Variants in TFCP2L1 observed in about 807,000 individuals in gnomAD.
The protein encoded by TFCP2L1 is transcription factor CP2-like protein 1.
TFCP2L1 carries 12 observed loss-of-function variants against 72.2 expected under a neutral mutation model. The ratio of observed to expected loss-of-function variants is 0.17; its 90% CI spans 0.11 to 0.27. TFCP2L1 has a LOEUF of 0.27. Among genes scored for constraint, TFCP2L1 ranks in the 10% least tolerant of loss-of-function variants. TFCP2L1 has a pLI of 1.00. For missense variants in TFCP2L1, 488 were observed against 624.6 expected (o/e 0.78, Z 2.33); for synonymous variants, 260 against 251.0 (o/e 1.04, Z -0.34).
At position 121,271,169 on chromosome 2, in the gene TFCP2L1, G is replaced by A. The variant is rs1219009777; in HGVS notation, c.214+9951C>T. On this transcript the variant is annotated intron_variant, in intron 2 of 14. Transcript: ENST00000263707. ...CGCACCACTGCACTCCAGCCTGGGC[G>A]ACAGGGCAAGACTCCGTCTCAAAAT... Among the ~76,000 whole-genome samples, 4 of 148,746 alleles carry A rather than the reference G, an allele frequency of 2.7e-5. 1 individual carries two copies. The highest frequency in any genetic ancestry group is 4.2e-4 in the South Asian group (2 of 4,736).
chr2:121,239,948 G>T, intron 7 of TFCP2L1: 2 of 718,466 alleles, frequency 2.8e-6, no homozygotes, highest in African/African-American at 1.9e-5. Flanking sequence ...TGTGATTCTT[G>T]GGTCCACGAG....
chr2:121,246,714 T>C (rs1216909139), intron 6 of TFCP2L1, 104 bp downstream of exon 6: 4 of 1,461,096 alleles, frequency 2.7e-6, no homozygotes, highest in Non-Finnish European at 3.8e-6. Flanking sequence ...GATGCTGCGT[T>C]CCTCGCTGGG....
chr2:121,226,870 T>G (rs1480238470), intron 13 of TFCP2L1, among the ~76,000 whole-genome samples: 1 of 152,244 alleles, frequency 6.6e-6, no homozygotes, highest in African/African-American at 2.4e-5. Context: ...AAGGAAATTT[T>G]CCTACATTCT....
At chr2:121,233,971 T>C (rs1331147507) in intron 12 of TFCP2L1, 120 bp downstream of exon 12, 10 of 866,132 alleles carry the variant, frequency 1.2e-5, no homozygotes, top group Admixed American at 4.0e-5. Flanking sequence ...CGTGTGGGCA[T>C]GTGGGAGCCC....
chr2:121,231,678 G>T, intron 13 of TFCP2L1, 148 bp downstream of exon 13: 1 of 1,218,272 alleles, frequency 8.2e-7, no homozygotes, highest in East Asian at 2.6e-5. Context: ...ACTCTCCATC[G>T]CAGCCCCGGA....
At chr2:121,268,390 G>C (rs1433836228) in intron 2 of TFCP2L1, among the ~76,000 whole-genome samples, 2 of 151,940 alleles carry the variant, frequency 1.3e-5, no homozygotes, top group African/African-American at 2.4e-5. Flanking sequence ...GGGTCTCACT[G>C]TTACCCAGGC....
Position 121,242,482 on chromosome 2 carries a change from TAC to T in TFCP2L1, c.658-15_658-14del, listed in dbSNP as rs1573369499. ...CGGCTCCCTTCGGCTGCGAGCAGAGTACAGAGTCCAATCAGCCCAAAACCAAC... is the reference window on the plus strand; with the variant it reads ...CGGCTCCCTTCGGCTGCGAGCAGAGTAGAGTCCAATCAGCCCAAAACCAAC... On this transcript the variant is annotated splice_polypyrimidine_tract_variant and intron_variant, in intron 6 of 14. Transcript: ENST00000263707. 1 of 1,613,166 alleles carries T rather than the reference TAC, an allele frequency of 6.2e-7. No individual in the cohort carries two copies.
intron 1 of TFCP2L1, among the ~76,000 whole-genome samples, chr2:121,282,114 G>A (rs1187644530): frequency 2.6e-5 from 4 of 151,782 alleles, no homozygotes; most frequent in Non-Finnish European, 4.4e-5. Context: ...TGTATTTTTA[G>A]TAGAGACAGG....
intron 6 of TFCP2L1, among the ~76,000 whole-genome samples, chr2:121,243,189 C>T (rs1015436470): frequency 6.6e-6 from 1 of 152,212 alleles, no homozygotes; most frequent in African/African-American, 2.4e-5. Context: ...CATCTTATGA[C>T]CTCATGCCTA....
intron 2 of TFCP2L1, among the ~76,000 whole-genome samples, chr2:121,257,846 G>A (rs920312727): frequency 2.7e-5 from 4 of 150,120 alleles, no homozygotes; most frequent in African/African-American, 7.6e-5. Context: ...AACTGCTTTC[G>A]GCGCTTTGCA....
intron 10 of TFCP2L1, 47 bp from the exon 11 acceptor site, chr2:121,235,358 A>G: frequency 1.3e-6 from 2 of 1,590,530 alleles, no homozygotes; most frequent in Non-Finnish European, 1.7e-6. Context: ...AACCCAGAGA[A>G]AGGGCTCGGT....
At position 121,235,684 on chromosome 2, in the gene TFCP2L1, T is replaced by C. The variant is rs1199202939; in HGVS notation, c.1004-373A>G. Among the ~76,000 whole-genome samples, 8 of 150,876 alleles carry C rather than the reference T, an allele frequency of 5.3e-5. No homozygotes were observed. In the South Asian group the frequency reaches 6.3e-4, roughly 12 times the overall value. On this transcript the variant is annotated intron_variant, in intron 10 of 14. Transcript: ENST00000263707. ...ATCCACCTACCTCAGCCTCTCAAAG[T>C]ACTGGGATTACAGACATGAGTCACT...
intron 1 of TFCP2L1, among the ~76,000 whole-genome samples, chr2:121,282,518 TA>T (rs796221589): frequency 4.8e-3 from 563 of 116,926 alleles, no homozygotes; most frequent in Middle Eastern, 8.3e-3. Context: ...CCACCATCTC[TA>T]AAAAAAAAAA....
chr2:121,275,591 G>A lies in TFCP2L1; in HGVS notation c.214+5529C>T, dbSNP rs1389713246. 1.0e-3 allele frequency among the ~76,000 whole-genome samples: 123 copies of A among 119,830 alleles called. 4 individuals carry two copies. The South Asian group carries it at 0.031, about 30-fold the overall frequency. The allele number at this position is 119,830 out of a possible 152,430, so 78.6% of individuals were successfully genotyped here. A position where few individuals can be genotyped will look rare whatever the true frequency, so the allele number is the denominator to read the frequency against. On this transcript the variant is annotated intron_variant, in intron 2 of 14. Coordinates refer to ENST00000263707, the MANE Select transcript of TFCP2L1 (RefSeq NM_014553.3). The stretch of plus-strand genomic sequence containing the variant: ...GTCTTTTTTTTTTTTTTTTTTTTGA[G>A]ACAGGGTCTCGTTCTATCACCCAAG...
At chr2:121,275,265 TCGCGGCGCC>T (rs2104759818) in intron 2 of TFCP2L1, among the ~76,000 whole-genome samples, 1 of 7,418 alleles carries the variant, frequency 1.3e-4, no homozygotes. Context: ...GCGCCTGTAG[TCGCGGCGCC>T]TGTAGTCCCA....
At position 121,231,961 on chromosome 2, in the gene TFCP2L1, G is replaced by A. The variant is rs145068402; in HGVS notation, c.1206C>T (p.His402=). ...TGGTCAGCTCTTCCAGGAAGATGGC[G>A]TGGTACACTGGGGGAAGGAGGAGCA... ...GSGDSNLSVY[H]AIFLEELTTL... Residue 402 remains histidine (H), a synonymous_variant, in exon 13 of 15, where the codon CAC becomes CAT. Transcript: ENST00000263707. The A allele has an allele frequency of 7.9e-5, 127 of 1,597,876 alleles. No individual in the cohort carries two copies. Among genetic ancestry groups the A allele is most frequent in the Admixed American group, 5.4e-4 (32 of 59,052 alleles).
intron 1 of TFCP2L1, among the ~76,000 whole-genome samples, chr2:121,283,719 T>C (rs1281553239): frequency 6.8e-6 from 1 of 148,058 alleles, no homozygotes; most frequent in Non-Finnish European, 1.5e-5. Flanking sequence ...TTCAAACTCA[T>C]TGTTAAGATA....
intron 1 of TFCP2L1, among the ~76,000 whole-genome samples, chr2:121,282,135 G>A (rs549271684): frequency 1.3e-5 from 2 of 151,958 alleles, no homozygotes; most frequent in African/African-American, 4.8e-5. Context: ...GTTCCACCAT[G>A]TTGGTCAGGC....
intron 2 of TFCP2L1, among the ~76,000 whole-genome samples, chr2:121,279,183 C>G (rs1687207137): frequency 6.6e-6 from 1 of 152,184 alleles, no homozygotes; most frequent in Non-Finnish European, 1.5e-5. Context: ...AGAACCACAT[C>G]AAAGCTCAAT....
Sources: gnomAD v4.1 joint callset for allele counts (sites outside exome capture counted in the v4.1 genomes callset) on GRCh38, gnomAD v4.1.1 for gene constraint, MANE v1.5 for transcripts, NCBI Gene and HGNC (gene_info 2026-07-23, HGNC 2026-07-21) for gene names.